HFM1: variants seen among roughly 807,000 people sequenced by gnomAD.
HFM1 encodes the protein helicase for meiosis 1.
Under a neutral mutation model 192.1 loss-of-function variants are expected in HFM1, and 169 were observed. That is an observed-to-expected ratio of 0.88 (90% confidence interval 0.78 to 1.00). HFM1 has a LOEUF of 1.00. Among genes scored for constraint, HFM1 ranks in the 50% least tolerant of loss-of-function variants. HFM1 has a pLI of 0.00. For synonymous variants in HFM1, 525 were observed against 537.8 expected (o/e 0.98, Z 0.33); for missense variants, 1,661 against 1,668.0 (o/e 1.00, Z 0.07).
intron 18 of HFM1, among the ~76,000 whole-genome samples, chr1:91,348,486 C>G (rs1656447772): frequency 6.6e-6 from 1 of 152,050 alleles, no homozygotes; most frequent in Non-Finnish European, 1.5e-5. Flanking sequence ...CGGATAGATT[C>G]ATACATGTAA....
At chr1:91,376,710 T>C (rs547507005) in intron 11 of HFM1, among the ~76,000 whole-genome samples, 34 of 151,990 alleles carry the variant, frequency 2.2e-4, no homozygotes, top group Admixed American at 2.0e-3. Flanking sequence ...AAAAAATTTT[T>C]AAATGAGATA....
chr1:91,394,594 A>G (rs546682663), intron 3 of HFM1, among the ~76,000 whole-genome samples, 192 bp from the exon 4 acceptor site: 2 of 152,130 alleles, frequency 1.3e-5, no homozygotes, highest in African/African-American at 2.4e-5. Context: ...GGTATATTAC[A>G]TCATTAACAG....
At chr1:91,285,517 T>C (rs1342450758) in intron 30 of HFM1, among the ~76,000 whole-genome samples, 1 of 152,210 alleles carries the variant, frequency 6.6e-6, no homozygotes, top group Non-Finnish European at 1.5e-5. Context: ...TAGGGTAATC[T>C]ATTGCCCCTT....
chr1:91,342,248 G>C (rs967522976), intron 20 of HFM1, among the ~76,000 whole-genome samples: 1 of 151,412 alleles, frequency 6.6e-6, no homozygotes, highest in Non-Finnish European at 1.5e-5. Context: ...AATCCACCGT[G>C]AGAGAGAGAG....
chr1:91,314,109 C>T (rs1485212262), intron 28 of HFM1, 49 bp from the exon 29 acceptor site: 1 of 1,116,888 alleles, frequency 9.0e-7, no homozygotes, highest in African/African-American at 1.6e-5. Context: ...GAATGAAATA[C>T]ATATTAATCT....
intron 30 of HFM1, among the ~76,000 whole-genome samples, chr1:91,293,086 A>T (rs1410376949): frequency 1.3e-5 from 2 of 152,228 alleles, no homozygotes; most frequent in African/African-American, 4.8e-5. Flanking sequence ...GTTAGACCTA[A>T]AACCATAAAA....
At chr1:91,330,316 G>A (rs1395732374) in intron 20 of HFM1, among the ~76,000 whole-genome samples, 2 of 151,696 alleles carry the variant, frequency 1.3e-5, no homozygotes, top group African/African-American at 4.8e-5. Flanking sequence ...GATGAAAAAG[G>A]AGGCATTACA....
At position 91,317,434 on chromosome 1, in the gene HFM1, C is replaced by CA. The variant is rs895744835; in HGVS notation, c.2813-959dup. 3.6e-4 allele frequency among the ~76,000 whole-genome samples: 54 copies of CA among 151,630 alleles called. 1 individual carries two copies. Among genetic ancestry groups the CA allele is most frequent in the Non-Finnish European group, 5.3e-4 (36 of 67,866 alleles). On this transcript the variant is annotated intron_variant, in intron 25 of 38. Transcript: ENST00000370425. ...ATCTCAAAAACAAACAAACAAACAACAAAAAAAATCAAGTTCATTTTCTTC... is the reference window on the plus strand; with the variant it reads ...ATCTCAAAAACAAACAAACAAACAACAAAAAAAAATCAAGTTCATTTTCTTC...
At chr1:91,277,124 T>C in intron 30 of HFM1, 62 bp from the exon 31 acceptor site, 4 of 845,912 alleles carry the variant, frequency 4.7e-6, no homozygotes, top group Non-Finnish European at 7.4e-6. Flanking sequence ...TAATTTAATA[T>C]AATTAATTTT....
chr1:91,277,020 T>A lies in HFM1; in HGVS notation c.3434A>T (p.His1145Leu). Residue 1145 changes from histidine (H) to leucine (L), a missense_variant, in exon 31 of 39, where the codon CAT (histidine) becomes CTT (leucine). Transcript: ENST00000370425. ...SKKPGNRECN[H>L]LCKSKHTCGH... ...ACATGTATGTTTACTTTTACAAAGA[T>A]GATTGCATTCTCGGTTCCCAGGTTT... The A allele has an allele frequency of 6.3e-7, 1 of 1,599,930 alleles. No homozygotes were observed. The highest frequency in any genetic ancestry group is 8.5e-7 in the Non-Finnish European group (1 of 1,173,380).
chr1:91,263,092 T>C (rs545774588), intron 36 of HFM1, among the ~76,000 whole-genome samples: 2 of 152,200 alleles, frequency 1.3e-5, no homozygotes, highest in South Asian at 4.2e-4. Context: ...AAGCTGTGTA[T>C]GAAGTGATAA....
chr1:91,342,505 A>T (rs1009260051), intron 20 of HFM1, among the ~76,000 whole-genome samples: 9 of 152,120 alleles, frequency 5.9e-5, no homozygotes, highest in African/African-American at 2.2e-4. Flanking sequence ...ATTTCCCCCA[A>T]TTTATTACAC....
At chr1:91,317,942 G>C (rs530991289) in intron 25 of HFM1, among the ~76,000 whole-genome samples, 6 of 151,904 alleles carry the variant, frequency 3.9e-5, no homozygotes, top group Non-Finnish European at 7.4e-5. Context: ...TGTGAAAACA[G>C]GTTAGTTTCA....
At chr1:91,294,604 T>G (rs1340476305) in intron 30 of HFM1, among the ~76,000 whole-genome samples, 1 of 152,234 alleles carries the variant, frequency 6.6e-6, no homozygotes, top group Non-Finnish European at 1.5e-5. Flanking sequence ...TGCAAACACC[T>G]ACAAAGACAG....
At chr1:91,263,045 T>C (rs1004124485) in intron 36 of HFM1, among the ~76,000 whole-genome samples, 7 of 152,146 alleles carry the variant, frequency 4.6e-5, no homozygotes, top group African/African-American at 1.7e-4. Context: ...CTAAAACACA[T>C]TTATTATTCA....
intron 4 of HFM1, among the ~76,000 whole-genome samples, chr1:91,386,769 G>A (rs1393111507): frequency 6.6e-6 from 1 of 152,078 alleles, no homozygotes; most frequent in Non-Finnish European, 1.5e-5. Context: ...TCAATTTATA[G>A]GAATAAGTTA....
upstream of HFM1, among the ~76,000 whole-genome samples, chr1:91,406,403 C>A (rs1358599501): frequency 6.6e-6 from 1 of 152,186 alleles, no homozygotes; most frequent in Non-Finnish European, 1.5e-5. Context: ...TGTTCATAAA[C>A]AAAAACATTC....
intron 30 of HFM1, among the ~76,000 whole-genome samples, chr1:91,299,870 A>T (rs1226918780): frequency 6.6e-6 from 1 of 152,230 alleles, no homozygotes; most frequent in Non-Finnish European, 1.5e-5. Context: ...TCAGAATTAA[A>T]AGAACTAGAG....
chr1:91,382,384 T>A (rs749368056), intron 6 of HFM1, among the ~76,000 whole-genome samples: 1 of 152,136 alleles, frequency 6.6e-6, no homozygotes, highest in Non-Finnish European at 1.5e-5. Flanking sequence ...CTCCCCACCC[T>A]CATCCCAAGA....
Sources: gnomAD v4.1 joint callset for allele counts (sites outside exome capture counted in the v4.1 genomes callset) on GRCh38, gnomAD v4.1.1 for gene constraint, MANE v1.5 for transcripts, NCBI Gene and HGNC (gene_info 2026-07-23, HGNC 2026-07-21) for gene names.